Variants in DNAH2 observed in about 807,000 individuals in gnomAD.
DNAH2 encodes axonemal beta dynein heavy chain 2.
Under a neutral mutation model 523.5 loss-of-function variants are expected in DNAH2, and 323 were observed. The ratio of observed to expected loss-of-function variants is 0.62; its 90% CI spans 0.56 to 0.68. The LOEUF (loss-of-function observed/expected upper bound fraction) is 0.68. Ranked by LOEUF, DNAH2 falls within the 30% of genes least tolerant of loss-of-function variation. DNAH2 has a pLI of 0.00. For missense variants in DNAH2, 4,907 were observed against 5,701.5 expected (o/e 0.86, Z 4.49); for synonymous variants, 2,093 against 2,177.4 (o/e 0.96, Z 1.08).
chr17:7,719,599 C>A, intron 1 of DNAH2, 122 bp from the exon 2 acceptor site: 1 of 1,265,918 alleles, frequency 7.9e-7, no homozygotes, highest in Non-Finnish European at 1.1e-6. Context: ...GTGGGTACCA[C>A]CAGAAAAGAT....
chr17:7,764,057 A>AG (rs777580301), intron 19 of DNAH2, 26 bp downstream of exon 19: 1 of 1,614,028 alleles, frequency 6.2e-7, no homozygotes, highest in Non-Finnish European at 8.5e-7. Context: ...CCCCACAGGA[A>AG]GGGGGCAGGG....
At chr17:7,741,228 T>TTCTCTCTC (rs370136085) in intron 11 of DNAH2, among the ~76,000 whole-genome samples, 2 of 141,088 alleles carry the variant, frequency 1.4e-5, no homozygotes, top group Admixed American at 7.2e-5. Context: ...TTTCTTTTTT[T>TTCTCTCTC]TCTCTCTCTC....
rs764526593 is a variant in DNAH2 at position 7,734,675 on chromosome 17, G to T, written c.945G>T (p.Leu315Phe). The change falls in exon 7 of 86, where the codon TTG (leucine) becomes TTT (phenylalanine). Residue 315 changes from leucine (L) to phenylalanine (F), a missense_variant. Leu to Phe is a conservative substitution (Grantham distance 22). Transcript: ENST00000572933. ...TGCACCTTGCCAAGTCGTCCTACTT[G>T]GCGCCCTTTATGAAACTGGCACAGC... ...SILHLAKSSYLAPFMKLAQQI... is the reference protein window; with the variant it reads ...SILHLAKSSYFAPFMKLAQQI... 6.2e-7 allele frequency: 1 copy of T among 1,612,636 alleles called. No individual in the cohort carries two copies. The highest frequency in any genetic ancestry group is 1.3e-5 in the African/African-American group (1 of 74,450).
intron 12 of DNAH2, among the ~76,000 whole-genome samples, chr17:7,745,161 A>C (rs1321272915): frequency 6.6e-6 from 1 of 152,018 alleles, no homozygotes; most frequent in African/African-American, 2.4e-5. Context: ...CGCCCGGCTA[A>C]TTTTTGTGTT....
intron 39 of DNAH2, among the ~76,000 whole-genome samples, chr17:7,783,085 T>C (rs11869874): frequency 0.29 from 43,883 of 151,974 alleles, 6,827 homozygotes; most frequent in Non-Finnish European, 0.35. Flanking sequence ...TTGTTTTGTT[T>C]TGTTTTTTTG....
chr17:7,762,827 C>T (rs1238356414), intron 18 of DNAH2, among the ~76,000 whole-genome samples: 1 of 151,844 alleles, frequency 6.6e-6, no homozygotes, highest in Admixed American at 6.6e-5. Context: ...TTCTCCCAAC[C>T]ACCTTGTGAG....
Position 7,780,335 on chromosome 17 carries a change from A to G in DNAH2, c.5850+51A>G. The G allele has an allele frequency of 6.2e-7, 1 of 1,613,140 alleles. No homozygotes were observed. Among genetic ancestry groups the G allele is most frequent in the Non-Finnish European group, 8.5e-7 (1 of 1,179,618 alleles). ...GTGATTTTAATTTCCTTTCATAATT[A>G]TTCCCTGGACAGAGGAGCTCCCCAA... On this transcript the variant is annotated intron_variant, in intron 37 of 85. Transcript: ENST00000572933. The surrounding 1 kb of genome is among the most constrained non-coding windows in gnomAD (Gnocchi z 4.4).
At chr17:7,733,995 T>C (rs1295065716) in intron 5 of DNAH2, among the ~76,000 whole-genome samples, 188 bp from the exon 6 acceptor site, 1 of 152,178 alleles carries the variant, frequency 6.6e-6, no homozygotes, top group Non-Finnish European at 1.5e-5. Flanking sequence ...TTGTTATAAC[T>C]CCATGAGGTT....
intron 31 of DNAH2, among the ~76,000 whole-genome samples, chr17:7,776,369 G>A (rs988987005): frequency 6.6e-6 from 1 of 152,188 alleles, no homozygotes; most frequent in Admixed American, 6.5e-5. Flanking sequence ...AGGAGGCCGA[G>A]GCAGAAGAAT....
intron 2 of DNAH2, among the ~76,000 whole-genome samples, chr17:7,722,992 A>G (rs1191452187): frequency 4.2e-5 from 5 of 120,014 alleles, no homozygotes; most frequent in African/African-American, 1.3e-4. Flanking sequence ...TTTTTGAGAC[A>G]GAGTCTTCGC....
chr17:7,817,668 C>T lies in DNAH2; in HGVS notation c.10128C>T (p.Ala3376=), dbSNP rs1322312986. 1 of 1,614,058 alleles carries T rather than the reference C, an allele frequency of 6.2e-7. No homozygotes were observed. The highest frequency in any genetic ancestry group is 1.3e-5 in the African/African-American group (1 of 74,910). ...DWNIQGLPSD[A]FSTENGIIVT... is the part of the protein sequence containing the mutation. ...ACATCCAAGGGTTGCCCTCAGACGCCTTCTCCACTGAGAATGGCATCATCG... is the reference window on the plus strand; with the variant it reads ...ACATCCAAGGGTTGCCCTCAGACGCTTTCTCCACTGAGAATGGCATCATCG... Residue 3376 remains alanine (A), a synonymous_variant, in exon 66 of 86, where the codon GCC becomes GCT. Coordinates refer to ENST00000572933, the MANE Select transcript of DNAH2 (RefSeq NM_020877.5).
intron 12 of DNAH2, among the ~76,000 whole-genome samples, chr17:7,746,012 A>T (rs1005874263): frequency 6.6e-6 from 1 of 151,986 alleles, no homozygotes; most frequent in Non-Finnish European, 1.5e-5. Flanking sequence ...CTACTTAAAA[A>T]ACCCTTTCCT....
At chr17:7,790,817 C>T (rs1206476737) in intron 44 of DNAH2, among the ~76,000 whole-genome samples, 2 of 152,056 alleles carry the variant, frequency 1.3e-5, no homozygotes, top group African/African-American at 4.8e-5. Flanking sequence ...AGTGATCCTC[C>T]CACCTCAGTC....
chr17:7,826,154 GGACTACAGGTGT>G (rs1432112309), intron 77 of DNAH2, among the ~76,000 whole-genome samples: 1 of 152,186 alleles, frequency 6.6e-6, no homozygotes, highest in Non-Finnish European at 1.5e-5. Context: ...TGAGTAGCTG[GGACTACAGGTGT>G]GCGCCACTAC....
At chr17:7,819,601 G>A (rs2077797466) in intron 72 of DNAH2, among the ~76,000 whole-genome samples, 193 bp downstream of exon 72, 1 of 152,236 alleles carries the variant, frequency 6.6e-6, no homozygotes, top group East Asian at 1.9e-4. Flanking sequence ...TCTTGTGTCT[G>A]TAGCCCTCCC....
chr17:7,745,143 C>T (rs565883016), intron 12 of DNAH2, among the ~76,000 whole-genome samples: 1 of 151,912 alleles, frequency 6.6e-6, no homozygotes, highest in East Asian at 1.9e-4. Context: ...TACAGGCGCC[C>T]GCCACCACGC....
rs1479827229 is a variant in DNAH2 at position 7,828,684 on chromosome 17, TCCTC to T, written c.11854-1613_11854-1610del. Among the ~76,000 whole-genome samples, 2 of 152,110 alleles carry T rather than the reference TCCTC, an allele frequency of 1.3e-5. No homozygotes were observed. The highest frequency in any genetic ancestry group is 2.4e-5 in the African/African-American group (1 of 41,354). Reference sequence around the variant, plus strand: ...GTCTCAAACTCCTAGGCTCAAGTGATCCTCCCATCTTGGCCTCCCAAAGTGCTGA... The same window carrying T: ...GTCTCAAACTCCTAGGCTCAAGTGATCCATCTTGGCCTCCCAAAGTGCTGA... On this transcript the variant is annotated intron_variant, in intron 77 of 85. Coordinates refer to ENST00000572933, the MANE Select transcript of DNAH2 (RefSeq NM_020877.5). The surrounding 1 kb of genome is among the most constrained non-coding windows in gnomAD (Gnocchi z 4.1).
rs1427087793 is a variant in DNAH2 at position 7,759,620 on chromosome 17, A to G, written c.2637+10A>G. On this transcript the variant is annotated intron_variant, in intron 16 of 85. Transcript: ENST00000572933. The stretch of plus-strand genomic sequence containing the variant: ...AGGAAGTGTGGCACAGGTAAGAACC[A>G]CTTTGCCCCCAACATCTCAAAACCA... 4.3e-6 allele frequency: 7 copies of G among 1,611,108 alleles called. No individual in the cohort carries two copies. The Admixed American group carries it at 1.0e-4, about 23-fold the overall frequency.
chr17:7,766,979 G>A (rs964490428), intron 22 of DNAH2, among the ~76,000 whole-genome samples: 5 of 151,886 alleles, frequency 3.3e-5, no homozygotes, highest in Non-Finnish European at 7.4e-5. Flanking sequence ...TAAACAATTC[G>A]TGACGTTTAG....
Sources: gnomAD v4.1 joint callset for allele counts (sites outside exome capture counted in the v4.1 genomes callset) on GRCh38, gnomAD v4.1.1 for gene constraint, Gnocchi (gnomAD v3.1) non-coding constraint, MANE v1.5 for transcripts, NCBI Gene and HGNC (gene_info 2026-07-23, HGNC 2026-07-21) for gene names.